The following RASSF8 variants were observed in gnomAD, a reference collection of about 807,000 sequenced individuals.
The protein encoded by RASSF8 is ras association domain-containing protein 8.
A neutral mutation model predicts 48.5 loss-of-function variants in RASSF8; 22 were observed. That is an observed-to-expected ratio of 0.45 (90% CI 0.32 to 0.65). The LOEUF (loss-of-function observed/expected upper bound fraction) is 0.65. Ranked by LOEUF, RASSF8 falls within the 30% of genes least tolerant of loss-of-function variation. RASSF8 has a pLI of 0.03. For missense variants in RASSF8, 418 were observed against 489.2 expected (o/e 0.85, Z 1.37); for synonymous variants, 127 against 171.5 (o/e 0.74, Z 2.03).
chr12:26,023,424 A>T (rs1328576103), intron 2 of RASSF8, among the ~76,000 whole-genome samples: 2 of 152,240 alleles, frequency 1.3e-5, no homozygotes, highest in African/African-American at 4.8e-5. Flanking sequence ...AAACATTAAG[A>T]TTAATAGCTG....
Position 26,067,466 on chromosome 12 carries a change from A to T in RASSF8, c.994-103A>T, listed in dbSNP as rs1160280223. The T allele has an allele frequency of 2.5e-6, 3 of 1,197,004 alleles. No individual in the cohort carries two copies. The African/African-American group carries it at 4.7e-5, about 19-fold the overall frequency. 74.1% of individuals were successfully genotyped at this position (1,197,004 alleles called of 1,614,324 possible). A position where few individuals can be genotyped will look rare whatever the true frequency, so the allele number is the denominator to read the frequency against. On this transcript the variant is annotated intron_variant, in intron 4 of 5. Coordinates refer to ENST00000689635, the MANE Select transcript of RASSF8 (RefSeq NM_001394098.1). ...GTTAAATGTGCTTTTATGAAAGCAGATGTTGCACATTTAACCCCTGTAGCA... is the reference window on the plus strand; with the variant it reads ...GTTAAATGTGCTTTTATGAAAGCAGTTGTTGCACATTTAACCCCTGTAGCA...
chr12:25,962,462 G>T (rs1941259406), intron 1 of RASSF8, among the ~76,000 whole-genome samples: 1 of 152,040 alleles, frequency 6.6e-6, no homozygotes, highest in South Asian at 2.1e-4. Context: ...ATCACTTAGG[G>T]TCCTTTTCTT....
At chr12:26,054,141 A>T (rs904843114) in intron 2 of RASSF8, among the ~76,000 whole-genome samples, 26 of 152,222 alleles carry the variant, frequency 1.7e-4, no homozygotes, top group African/African-American at 6.3e-4. Context: ...ATATCTCATG[A>T]ATTTTAACAA....
At chr12:26,035,648 T>C (rs1943131054) in intron 2 of RASSF8, among the ~76,000 whole-genome samples, 1 of 144,844 alleles carries the variant, frequency 6.9e-6, no homozygotes, top group Non-Finnish European at 1.5e-5. Context: ...ACCTTTTCAG[T>C]ATTTTCTGGG....
At chr12:26,056,365 C>G (rs7136804) in intron 3 of RASSF8, among the ~76,000 whole-genome samples, 58,103 of 151,984 alleles carry the variant, frequency 0.38, 12,613 homozygotes, top group Non-Finnish European at 0.5. Flanking sequence ...ATCAGAAAAA[C>G]CAGCAATATG....
chr12:25,973,011 A>G (rs1479099773), intron 1 of RASSF8, among the ~76,000 whole-genome samples: 2 of 151,980 alleles, frequency 1.3e-5, no homozygotes, highest in African/African-American at 4.8e-5. Flanking sequence ...ATTGCGTATA[A>G]CTGTAGCTTG....
At position 26,054,133 on chromosome 12, in the gene RASSF8, A is replaced by G. The variant is rs552531900; in HGVS notation, c.-108-1103A>G. On this transcript the variant is annotated intron_variant, in intron 2 of 5. Transcript: ENST00000689635. ...TCTTAATTAAATCAATGTTTATTAT[A>G]TCTCATGAATTTTAACAACAAAGAC... Among the ~76,000 whole-genome samples the G allele has an allele frequency of 2.0e-5, 3 of 152,338 alleles. No homozygotes were observed. The South Asian group carries it at 6.2e-4, about 32-fold the overall frequency.
chr12:26,018,662 C>T lies in RASSF8; in HGVS notation c.-109+23532C>T, dbSNP rs571283275. ...GACCCTATGTTGTTCTTGTTGTACC[C>T]CATGCCACTCTCAGAGGAAAGAGGA... On this transcript the variant is annotated intron_variant, in intron 2 of 5. Coordinates refer to ENST00000689635, the MANE Select transcript of RASSF8 (RefSeq NM_001394098.1). Among the ~76,000 whole-genome samples the T allele has an allele frequency of 5.2e-4, 79 of 152,180 alleles. 1 individual carries two copies. The highest frequency in any genetic ancestry group is 1.0e-3 in the Admixed American group (16 of 15,280).
At chr12:25,979,225 G>A (rs906999419) in intron 1 of RASSF8, among the ~76,000 whole-genome samples, 4 of 152,130 alleles carry the variant, frequency 2.6e-5, no homozygotes, top group African/African-American at 9.7e-5. Context: ...GCACCAGGCA[G>A]TATAAAGAGA....
At chr12:26,021,738 C>A (rs1285633777) in intron 2 of RASSF8, among the ~76,000 whole-genome samples, 1 of 152,064 alleles carries the variant, frequency 6.6e-6, no homozygotes, top group East Asian at 1.9e-4. Context: ...GCCAAGAATA[C>A]CAAAGACTGC....
At position 25,993,045 on chromosome 12, in the gene RASSF8, G is replaced by T. The variant is rs184398159; in HGVS notation, c.-202-1992G>T. ...TGTAGGAATCAATGGGGAGCTGAGG[G>T]TGGGGGGCAGGTTCACAAGAGCCCA... On this transcript the variant is annotated intron_variant, in intron 1 of 5. Coordinates refer to ENST00000689635, the MANE Select transcript of RASSF8 (RefSeq NM_001394098.1). 5.6e-3 allele frequency among the ~76,000 whole-genome samples: 851 copies of T among 152,300 alleles called. 10 individuals are homozygous for T. Among genetic ancestry groups the T allele is most frequent in the African/African-American group, 0.02 (814 of 41,574 alleles).
intron 2 of RASSF8, among the ~76,000 whole-genome samples, chr12:26,016,829 A>T (rs926774466): frequency 9.2e-5 from 14 of 152,202 alleles, no homozygotes; most frequent in Non-Finnish European, 1.5e-4. Context: ...ACTCACATTA[A>T]CAAAACAGGA....
At chr12:26,036,743 A>G (rs1434243482) in intron 2 of RASSF8, among the ~76,000 whole-genome samples, 2 of 151,934 alleles carry the variant, frequency 1.3e-5, no homozygotes. Context: ...CCCTGTCTCT[A>G]CTAAAAAAAT....
At chr12:26,048,949 G>T (rs531270143) in intron 2 of RASSF8, among the ~76,000 whole-genome samples, 1 of 151,928 alleles carries the variant, frequency 6.6e-6, no homozygotes, top group Non-Finnish European at 1.5e-5. Flanking sequence ...GTAGAGACGG[G>T]GTTTCACCAT....
chr12:26,079,734 T>G (rs1944101685), exon 6 of RASSF8: 1 of 152,130 alleles, frequency 6.6e-6, no homozygotes, highest in Non-Finnish European at 1.5e-5. Context: ...TTAGGTTACA[T>G]CTGCTATTGT....
In RASSF8 at chr12:26,069,710, G is replaced by T; in HGVS notation, c.*892G>T. 1.0e-6 allele frequency: 1 copy of T among 985,368 alleles called. No individual in the cohort carries two copies. The highest frequency in any genetic ancestry group is 1.2e-6 in the Non-Finnish European group (1 of 829,920). 61.0% of individuals were successfully genotyped at this position (985,368 alleles called of 1,614,324 possible). A position where few individuals can be genotyped will look rare whatever the true frequency, so the allele number is the denominator to read the frequency against. On this transcript the variant is annotated 3_prime_UTR_variant, in exon 6 of 6. Transcript: ENST00000689635. ...TTATAGATACCTGAAAGCTGGGTTG[G>T]TCTACTTCAGGAACATTGCTTTAAG...
chr12:26,067,759 C>T (rs1249822871), intron 5 of RASSF8, 46 bp downstream of exon 5: 1 of 1,606,168 alleles, frequency 6.2e-7, no homozygotes, highest in Admixed American at 1.7e-5. Flanking sequence ...ATTCTCACTG[C>T]TTAACTTTTT....
exon 6 of RASSF8, chr12:26,079,598 A>T (rs1591828865): frequency 6.6e-6 from 1 of 152,074 alleles, no homozygotes; most frequent in Admixed American, 6.6e-5. Context: ...CTCAAAAAAA[A>T]AAAAAATAGA....
intron 3 of RASSF8, 74 bp from the exon 4 acceptor site, chr12:26,064,424 A>G (rs1943816497): frequency 1.5e-6 from 2 of 1,365,732 alleles, no homozygotes; most frequent in South Asian, 1.6e-5. Flanking sequence ...ACAATCATCA[A>G]ATGGCATTCT....
Sources: gnomAD v4.1 joint callset for allele counts (sites outside exome capture counted in the v4.1 genomes callset) on GRCh38, gnomAD v4.1.1 for gene constraint, MANE v1.5 for transcripts, NCBI Gene and HGNC (gene_info 2026-07-23, HGNC 2026-07-21) for gene names.